MGLL: variants seen among roughly 807,000 people sequenced by gnomAD.
MGLL encodes the protein lysophospholipase homolog.
A neutral mutation model predicts 29.1 loss-of-function variants in MGLL; 7 were observed. The observed-to-expected ratio is 0.24, with a 90% CI of 0.14 to 0.45. The LOEUF (loss-of-function observed/expected upper bound fraction) is 0.45, where lower values mean the gene tolerates loss of function less well. MGLL is among the 20% of genes least tolerant of loss of function. The probability of loss-of-function intolerance (pLI) is 0.99; values close to 1 mark genes in which losing one functional copy is unlikely to be tolerated. For synonymous variants in MGLL, 148 were observed against 168.3 expected, an observed-to-expected ratio of 0.88 and a Z score of 0.93; for missense variants, 356 against 413.6, an observed-to-expected ratio of 0.86 and a Z score of 1.21.
At chr3:127,822,064 A>T (rs1377031182) in intron 1 of MGLL, 2 of 653,674 alleles carry the variant, frequency 3.1e-6, no homozygotes, top group Non-Finnish European at 2.6e-6. Flanking sequence ...TAAGTGCCTC[A>T]TTACAGTTTT....
intron 6 of MGLL, among the ~76,000 whole-genome samples, chr3:127,700,205 C>A (rs1054029353): frequency 4.6e-5 from 7 of 152,136 alleles, no homozygotes; most frequent in African/African-American, 1.7e-4. Flanking sequence ...AATTTAGAAA[C>A]CTGCAGGAAC....
At chr3:127,811,346 G>A (rs2077658643) in intron 2 of MGLL, among the ~76,000 whole-genome samples, 1 of 152,218 alleles carries the variant, frequency 6.6e-6, no homozygotes, top group Non-Finnish European at 1.5e-5. Context: ...CTCATAGGTT[G>A]TTCTACTCTT....
intron 3 of MGLL, among the ~76,000 whole-genome samples, chr3:127,729,808 A>C (rs2076115554): frequency 1.3e-5 from 2 of 152,166 alleles, no homozygotes; most frequent in South Asian, 4.1e-4. Flanking sequence ...CACACATTAC[A>C]TGCAGGAGGC....
intron 2 of MGLL, among the ~76,000 whole-genome samples, chr3:127,799,978 C>T (rs938239170): frequency 1.3e-5 from 2 of 152,206 alleles, no homozygotes; most frequent in Non-Finnish European, 2.9e-5. Context: ...CCATATTTCC[C>T]AGACTTCCCT....
chr3:127,755,071 G>T (rs964186095), intron 3 of MGLL, among the ~76,000 whole-genome samples: 5 of 152,108 alleles, frequency 3.3e-5, no homozygotes, highest in Non-Finnish European at 7.4e-5. Flanking sequence ...TGGCATCCCC[G>T]GGGGAAAGGT....
Position 127,720,932 on chromosome 3 carries a change from C to T in MGLL, c.510+121G>A, listed in dbSNP as rs574540829. 6.6e-4 allele frequency: 554 copies of T among 843,152 alleles called. 7 individuals are homozygous for T. In the South Asian group the frequency reaches 7.6e-3, roughly 12 times the overall value. 52.2% of individuals were successfully genotyped at this position (843,152 alleles called of 1,614,324 possible). A position where few individuals can be genotyped will look rare whatever the true frequency, so the allele number is the denominator to read the frequency against. On this transcript the variant is annotated intron_variant, in intron 5 of 7. Transcript: ENST00000265052. The stretch of plus-strand genomic sequence containing the variant: ...TGTTGGATATTTGTCCAACCCCTCA[C>T]GCAATAGTGTCTGAGGTCCAAGGAT...
chr3:127,781,467 A>AG (rs1302536738), intron 3 of MGLL, among the ~76,000 whole-genome samples: 1 of 152,176 alleles, frequency 6.6e-6, no homozygotes. Context: ...GGGCACTTGG[A>AG]GAAAAACCAG....
At chr3:127,823,103 G>T (rs2077894807), upstream of MGLL, 2 of 152,134 alleles carry the variant, frequency 1.3e-5, no homozygotes, top group African/African-American at 2.4e-5. Flanking sequence ...GAGCGCCGCT[G>T]TCGCGTTCCC....
At position 127,698,565 on chromosome 3, in the gene MGLL, C is replaced by T. The variant is rs1382430933; in HGVS notation, c.601-3375G>A. On this transcript the variant is annotated intron_variant, in intron 6 of 7. Coordinates refer to ENST00000265052, the MANE Select transcript of MGLL (RefSeq NM_007283.7). ...ACTAGAGAAACAGAGACCAGACTCA[C>T]GGCTCTCAGGGCTGAGGAGGGTGTG... 1.1e-4 allele frequency among the ~76,000 whole-genome samples: 16 copies of T among 152,140 alleles called. No individual in the cohort carries two copies. In the East Asian group the frequency reaches 1.7e-3, roughly 17 times the overall value.
chr3:127,786,773 C>T (rs2077221633), intron 2 of MGLL, among the ~76,000 whole-genome samples: 1 of 152,206 alleles, frequency 6.6e-6, no homozygotes, highest in South Asian at 2.1e-4. Context: ...AGAGCAATGT[C>T]GCGAGGTAAA....
intron 3 of MGLL, among the ~76,000 whole-genome samples, chr3:127,765,684 C>T (rs2076843233): frequency 6.6e-6 from 1 of 152,218 alleles, no homozygotes. Context: ...CGAACAGAAA[C>T]ACGTACCCCC....
At chr3:127,723,337 G>A (rs2075969156) in intron 3 of MGLL, among the ~76,000 whole-genome samples, 1 of 152,214 alleles carries the variant, frequency 6.6e-6, no homozygotes, top group Non-Finnish European at 1.5e-5. Context: ...TGGAGAACTG[G>A]GACCACACAG....
chr3:127,748,547 A>C (rs1422913863), intron 3 of MGLL, among the ~76,000 whole-genome samples: 1 of 151,912 alleles, frequency 6.6e-6, no homozygotes, highest in Non-Finnish European at 1.5e-5. Flanking sequence ...GGTCTTTGCC[A>C]AGGTAATGAA....
At chr3:127,776,036 G>A (rs1281323412) in intron 3 of MGLL, among the ~76,000 whole-genome samples, 4 of 152,216 alleles carry the variant, frequency 2.6e-5, no homozygotes, top group Admixed American at 2.6e-4. Flanking sequence ...TATTTAGAAT[G>A]TTGCGGAAAA....
At chr3:127,711,482 C>T (rs1193111176) in intron 5 of MGLL, 1 of 152,340 alleles carries the variant, frequency 6.6e-6, no homozygotes, top group Non-Finnish European at 1.5e-5. Context: ...GGATCTCACA[C>T]TTCTGCCTTC....
At chr3:127,746,239 C>T (rs2076439960) in intron 3 of MGLL, among the ~76,000 whole-genome samples, 2 of 152,174 alleles carry the variant, frequency 1.3e-5, no homozygotes, top group African/African-American at 4.8e-5. Flanking sequence ...AAACATGCGG[C>T]CATGGCTCCT....
intron 4 of MGLL, 116 bp from the exon 5 acceptor site, chr3:127,721,279 AGGACTACCTT>A: frequency 1.2e-6 from 1 of 827,670 alleles, no homozygotes; most frequent in Non-Finnish European, 2.0e-6. Flanking sequence ...AGCCCTGAGG[AGGACTACCTT>A]GGAAGAGGCA....
At chr3:127,802,247 G>T (rs1400208897) in intron 2 of MGLL, among the ~76,000 whole-genome samples, 1 of 152,144 alleles carries the variant, frequency 6.6e-6, no homozygotes, top group Non-Finnish European at 1.5e-5. Flanking sequence ...AGGTTCAAGA[G>T]TTTGGTCTTG....
chr3:127,727,704 TAAAAAAAAAAAA>T (rs1177079179), intron 3 of MGLL, among the ~76,000 whole-genome samples: 3 of 80,712 alleles, frequency 3.7e-5, no homozygotes, highest in African/African-American at 9.6e-5. Context: ...AGAGCAAGGC[TAAAAAAAAAAAA>T]AAAAAAAAAA....
Sources: allele counts gnomAD v4.1 joint callset (sites outside exome capture counted in the v4.1 genomes callset), GRCh38; gene constraint gnomAD v4.1.1; transcripts MANE v1.5; gene names NCBI Gene and HGNC (gene_info 2026-07-23, HGNC 2026-07-21).